The following DOCK10 variants were observed in gnomAD, a reference collection of about 807,000 sequenced individuals.
The protein encoded by DOCK10 is dedicator of cytokinesis protein 10.
DOCK10 carries 145 observed loss-of-function variants against 280.1 expected under a neutral mutation model. The observed-to-expected ratio is 0.52, with a 90% CI of 0.45 to 0.59. The LOEUF is 0.59. DOCK10 is among the 20% of genes least tolerant of loss of function. The probability of loss-of-function intolerance (pLI) is 0.00; values close to 1 mark genes in which losing one functional copy is unlikely to be tolerated. For missense variants in DOCK10, 2,368 were observed against 2,651.7 expected (o/e 0.89, Z 2.35); for synonymous variants, 915 against 942.2 (o/e 0.97, Z 0.53).
chr2:224,903,097 C>T (rs1700398973), intron 3 of DOCK10, among the ~76,000 whole-genome samples: 2 of 152,066 alleles, frequency 1.3e-5, no homozygotes, highest in Non-Finnish European at 2.9e-5. Context: ...GACTCCGTCT[C>T]AAAAAACCAA....
intron 26 of DOCK10, among the ~76,000 whole-genome samples, chr2:224,831,115 C>T (rs1443240231): frequency 1.3e-5 from 2 of 151,700 alleles, no homozygotes; most frequent in Non-Finnish European, 2.9e-5. Flanking sequence ...TGTGTTTTTT[C>T]GTAGAGACAG....
At chr2:224,875,582 T>G (rs768673401) in intron 8 of DOCK10, among the ~76,000 whole-genome samples, 78 of 152,170 alleles carry the variant, frequency 5.1e-4, no homozygotes, top group Non-Finnish European at 9.4e-4. Context: ...CCATGTATAA[T>G]TTTTGAAACT....
chr2:224,908,465 G>A (rs1402460723), intron 3 of DOCK10, among the ~76,000 whole-genome samples: 1 of 151,084 alleles, frequency 6.6e-6, no homozygotes, highest in Non-Finnish European at 1.5e-5. Flanking sequence ...ATGTGTAGAT[G>A]TGGCTGTAGA....
intron 1 of DOCK10, among the ~76,000 whole-genome samples, chr2:225,029,119 C>A (rs1252250894): frequency 6.6e-6 from 1 of 152,122 alleles, no homozygotes; most frequent in Non-Finnish European, 1.5e-5. Flanking sequence ...GTGACCCTGA[C>A]CACATCCATT....
intron 55 of DOCK10, among the ~76,000 whole-genome samples, chr2:224,768,295 T>G (rs942830273): frequency 6.6e-6 from 1 of 152,134 alleles, no homozygotes; most frequent in Admixed American, 6.5e-5. Flanking sequence ...AATATGTGCA[T>G]GAATAGATAG....
Position 224,867,567 on chromosome 2 carries a change from C to T in DOCK10, c.1258-2480G>A, listed in dbSNP as rs191794524. Among the ~76,000 whole-genome samples the T allele has an allele frequency of 2.6e-5, 4 of 152,246 alleles. No homozygotes were observed. In the East Asian group the frequency reaches 7.7e-4, roughly 29 times the overall value. On this transcript the variant is annotated intron_variant, in intron 11 of 55. Coordinates refer to ENST00000258390, the MANE Select transcript of DOCK10 (RefSeq NM_014689.3). ...GATATGGAAGATGAGAAGAAGGGGA[C>T]ATTTCTTGGTCAAGTTTTAAAGAAG...
At chr2:224,834,729 GAC>G (rs1008340515) in intron 25 of DOCK10, among the ~76,000 whole-genome samples, 35 of 152,296 alleles carry the variant, frequency 2.3e-4, no homozygotes, top group African/African-American at 7.9e-4. Context: ...CCCATGCTTA[GAC>G]ACACTATCAA....
chr2:224,883,223 G>T (rs112386920), intron 7 of DOCK10, among the ~76,000 whole-genome samples: 1 of 152,034 alleles, frequency 6.6e-6, no homozygotes, highest in African/African-American at 2.4e-5. Flanking sequence ...CTCCATCATC[G>T]CTCTCGAGAT....
At chr2:224,835,601 T>G (rs1192911600) in intron 25 of DOCK10, among the ~76,000 whole-genome samples, 11 of 152,200 alleles carry the variant, frequency 7.2e-5, no homozygotes, top group Admixed American at 7.2e-4. Flanking sequence ...AATCACAGGA[T>G]GATAGAACTG....
chr2:225,003,080 C>CT (rs1706481955), intron 1 of DOCK10, among the ~76,000 whole-genome samples: 2 of 152,136 alleles, frequency 1.3e-5, no homozygotes, highest in Admixed American at 6.5e-5. Flanking sequence ...CAGGGTCTCA[C>CT]TTTATCACCA....
chr2:224,827,846 G>T (rs1193931147), intron 27 of DOCK10, among the ~76,000 whole-genome samples: 1 of 152,182 alleles, frequency 6.6e-6, no homozygotes, highest in Non-Finnish European at 1.5e-5. Context: ...GGTCCAGCAA[G>T]CCATTTCTGT....
At chr2:224,835,729 T>C (rs1367197417) in intron 25 of DOCK10, among the ~76,000 whole-genome samples, 4 of 152,232 alleles carry the variant, frequency 2.6e-5, no homozygotes, top group African/African-American at 4.8e-5. Flanking sequence ...CTTAGTGTTC[T>C]TTCCCGAGTA....
At chr2:225,009,457 A>T (rs1284810434) in intron 1 of DOCK10, among the ~76,000 whole-genome samples, 1 of 152,222 alleles carries the variant, frequency 6.6e-6, no homozygotes, top group African/African-American at 2.4e-5. Flanking sequence ...AGCTTCAATC[A>T]AATAAGAGAT....
In DOCK10 at chr2:224,876,110, G is replaced by A. The variant is rs771303087; in HGVS notation, c.859C>T (p.Arg287Cys). 3.0e-5 allele frequency: 49 copies of A among 1,613,824 alleles called. No homozygotes were observed. Among genetic ancestry groups the A allele is most frequent in the East Asian group, 6.7e-5 (3 of 44,898 alleles). Residue 287 changes from arginine (R) to cysteine (C), a missense_variant, in exon 8 of 56, where the codon CGC (arginine) becomes TGC (cysteine). Physicochemically the swap from Arg to Cys is radical, Grantham distance 180. Around this residue, in one of 2 missense-constraint regions of DOCK10, gnomAD observed 1,209 missense variants for 1,250.9 expected, o/e 0.97. Coordinates refer to ENST00000258390, the MANE Select transcript of DOCK10 (RefSeq NM_014689.3). ...CCCTCAGGACTGATTTGCAGAATGCGGTTGAGGGTGTGGATCCATTCATCC... is the reference window on the plus strand; with the variant it reads ...CCCTCAGGACTGATTTGCAGAATGCAGTTGAGGGTGTGGATCCATTCATCC... ...DMDEWIHTLN[R>C]ILQISPEGPL...
In DOCK10 at chr2:224,797,875, G is replaced by A. The variant is rs369419030; in HGVS notation, c.4601C>T (p.Ala1534Val). 6.6e-5 allele frequency: 107 copies of A among 1,613,740 alleles called. No homozygotes were observed. Among genetic ancestry groups the A allele is most frequent in the East Asian group, 2.2e-4 (10 of 44,888 alleles). The change falls in exon 42 of 56, where the codon GCG becomes GTG. Residue 1534 changes from alanine to valine, a missense_variant. This residue lies in a region of DOCK10 where 1,159 missense variants were observed against 1,400.8 expected (regional missense o/e 0.83). Coordinates refer to ENST00000258390, the MANE Select transcript of DOCK10 (RefSeq NM_014689.3). Reference sequence around the variant, plus strand: ...CAAGGAGGCAAACACATGCTTCAGCGCTGTGGCTGACTGATTGACTTGGAA... The same window carrying A: ...CAAGGAGGCAAACACATGCTTCAGCACTGTGGCTGACTGATTGACTTGGAA... ...LFFQVNQSAT[A>V]LKHVFASLRL...
At chr2:224,802,477 C>T (rs542053758) in intron 39 of DOCK10, among the ~76,000 whole-genome samples, 6 of 152,198 alleles carry the variant, frequency 3.9e-5, no homozygotes, top group East Asian at 3.9e-4. Context: ...TCTTGCTTTC[C>T]GAGGTATTTG....
In DOCK10 at chr2:224,800,212, A is replaced by G; in HGVS notation, c.4445T>C (p.Ile1482Thr). 6.2e-7 allele frequency: 1 copy of G among 1,612,366 alleles called. No individual in the cohort carries two copies. ...IVHHVDTEAN[I>T]ATEVCLTILD... is the part of the protein sequence containing the mutation. ...AATAGTGAGGCAAACCTCCGTAGCT[A>G]TATTGGCCTCAGTGTCTACATGATG... is the stretch of plus-strand genomic sequence containing the variant. The change falls in exon 41 of 56, where the codon ATA (isoleucine) becomes ACA (threonine). Residue 1482 changes from isoleucine to threonine, a missense_variant. Around this residue, in one of 2 missense-constraint regions of DOCK10, gnomAD observed 1,159 missense variants for 1,400.8 expected, o/e 0.83. Coordinates refer to ENST00000258390, the MANE Select transcript of DOCK10 (RefSeq NM_014689.3).
intron 23 of DOCK10, among the ~76,000 whole-genome samples, chr2:224,841,149 C>T (rs1440940833): frequency 1.3e-5 from 2 of 152,006 alleles, no homozygotes; most frequent in African/African-American, 2.4e-5. Context: ...TACAAAATTT[C>T]AGCTAGATAG....
rs1691718292 is a variant in DOCK10, at chr2:224,786,163, C to T, written c.5655+859G>A. Among the ~76,000 whole-genome samples, 1 of 152,180 alleles carries T rather than the reference C, an allele frequency of 6.6e-6. No individual in the cohort carries two copies. The highest frequency in any genetic ancestry group is 2.4e-5 in the African/African-American group (1 of 41,442). ...GTTGCAGTGAGCCGAGATCACGCCA[C>T]TGCACTGCACTCCAGCCTGGGCTAC... On this transcript the variant is annotated intron_variant, in intron 50 of 55. Coordinates refer to ENST00000258390, the MANE Select transcript of DOCK10 (RefSeq NM_014689.3). The surrounding 1 kb of genome is among the most constrained non-coding windows in gnomAD (Gnocchi z 4.7).
Sources: allele counts gnomAD v4.1 joint callset (sites outside exome capture counted in the v4.1 genomes callset), GRCh38; gene constraint gnomAD v4.1.1; regional missense constraint gnomAD v4.1.1; non-coding constraint Gnocchi (gnomAD v3.1); transcripts MANE v1.5; gene names NCBI Gene and HGNC (gene_info 2026-07-23, HGNC 2026-07-21).